Variants in GRM8 observed in about 807,000 individuals in gnomAD.
GRM8 encodes the protein metabotropic glutamate receptor 8.
GRM8 carries 47 observed loss-of-function variants against 87.2 expected under a neutral mutation model. The ratio of observed to expected loss-of-function variants is 0.54; its 90% CI spans 0.43 to 0.69. The LOEUF is 0.69. GRM8 is among the 30% of genes least tolerant of loss of function. GRM8 has a pLI of 0.00. For missense variants in GRM8, 1,019 were observed against 1,139.2 expected, an observed-to-expected ratio of 0.89 and a Z score of 1.52; for synonymous variants, 396 against 404.5, an observed-to-expected ratio of 0.98 and a Z score of 0.25.
chr7:127,127,580 C>T (rs1487781952), intron 2 of GRM8, among the ~76,000 whole-genome samples: 2 of 151,960 alleles, frequency 1.3e-5, no homozygotes, highest in African/African-American at 4.8e-5. Context: ...CCAGAAAACA[C>T]AAATCTAACC....
At chr7:126,749,946 T>A (rs1816221619) in intron 7 of GRM8, among the ~76,000 whole-genome samples, 1 of 152,188 alleles carries the variant, frequency 6.6e-6, no homozygotes, top group Non-Finnish European at 1.5e-5. Context: ...CTCGTACAGT[T>A]AAATGTCTTC....
At chr7:127,052,713 C>T (rs1213289584) in intron 3 of GRM8, among the ~76,000 whole-genome samples, 1 of 152,188 alleles carries the variant, frequency 6.6e-6, no homozygotes, top group African/African-American at 2.4e-5. Context: ...TTATCGCTCA[C>T]CCCAACATTA....
intron 7 of GRM8, among the ~76,000 whole-genome samples, chr7:126,717,184 C>T (rs573344887): frequency 1.4e-4 from 22 of 152,196 alleles, no homozygotes; most frequent in African/African-American, 5.3e-4. Context: ...ATGGTATAGT[C>T]ACTGAAATCT....
chr7:127,196,357 A>G (rs538067897), intron 2 of GRM8, among the ~76,000 whole-genome samples: 57 of 152,186 alleles, frequency 3.7e-4, no homozygotes, highest in African/African-American at 1.3e-3. Context: ...CATCTCTACT[A>G]AAAATATAAA....
intron 3 of GRM8, among the ~76,000 whole-genome samples, chr7:126,972,836 C>T (rs1295373311): frequency 6.6e-6 from 1 of 152,180 alleles, no homozygotes; most frequent in African/African-American, 2.4e-5. Context: ...TTTGACTATG[C>T]TCATTATGCA....
chr7:126,963,696 C>T (rs1189158550), intron 3 of GRM8, among the ~76,000 whole-genome samples: 2 of 152,190 alleles, frequency 1.3e-5, no homozygotes, highest in African/African-American at 4.8e-5. Context: ...ACATTCCATG[C>T]TCATGGATAG....
chr7:127,069,354 G>C (rs141714224), intron 3 of GRM8, among the ~76,000 whole-genome samples: 1,679 of 152,176 alleles, frequency 0.011, 27 homozygotes, highest in African/African-American at 0.037. Context: ...AGTAGAGATG[G>C]AGTTTTGCCA....
chr7:126,782,273 T>C (rs965333430), intron 6 of GRM8, among the ~76,000 whole-genome samples: 5 of 152,318 alleles, frequency 3.3e-5, no homozygotes, highest in African/African-American at 4.8e-5. Context: ...CCAATTCTAG[T>C]ATTCCACAAA....
At chr7:126,662,378 G>T (rs1805276260) in intron 7 of GRM8, among the ~76,000 whole-genome samples, 1 of 152,112 alleles carries the variant, frequency 6.6e-6, no homozygotes, top group South Asian at 2.1e-4. Context: ...TTAATCAGAT[G>T]AATAGAAGCC....
chr7:126,993,491 A>G (rs1392669251), intron 3 of GRM8, among the ~76,000 whole-genome samples: 1 of 152,240 alleles, frequency 6.6e-6, no homozygotes, highest in Non-Finnish European at 1.5e-5. Flanking sequence ...ACAACTGACT[A>G]CACACAATAA....
At chr7:126,948,145 A>T (rs1437041699) in intron 3 of GRM8, among the ~76,000 whole-genome samples, 1 of 152,176 alleles carries the variant, frequency 6.6e-6, no homozygotes, top group Non-Finnish European at 1.5e-5. Context: ...GCTCGGTGGA[A>T]GTAAAAAATA....
intron 3 of GRM8, among the ~76,000 whole-genome samples, chr7:126,964,068 G>T (rs930777488): frequency 2.0e-5 from 3 of 152,092 alleles, no homozygotes; most frequent in Admixed American, 1.3e-4. Context: ...AATGGGGAAA[G>T]AATTCCCTAT....
chr7:126,696,818 G>C (rs913970100), intron 7 of GRM8, among the ~76,000 whole-genome samples: 1 of 151,984 alleles, frequency 6.6e-6, no homozygotes, highest in Non-Finnish European at 1.5e-5. Context: ...CAAAACTGGG[G>C]GGCTTCCACC....
intron 6 of GRM8, among the ~76,000 whole-genome samples, chr7:126,888,073 G>A (rs1800669545): frequency 6.6e-6 from 1 of 152,036 alleles, no homozygotes; most frequent in African/African-American, 2.4e-5. Flanking sequence ...CTGCTACTTT[G>A]GATCAGCTAT....
intron 9 of GRM8, among the ~76,000 whole-genome samples, chr7:126,531,925 T>C (rs1814885242): frequency 6.6e-6 from 1 of 152,208 alleles, no homozygotes; most frequent in African/African-American, 2.4e-5. Flanking sequence ...TTCTCACAAT[T>C]TCTGGTGTCA....
At chr7:126,652,544 C>G (rs1204043273) in intron 7 of GRM8, among the ~76,000 whole-genome samples, 1 of 152,106 alleles carries the variant, frequency 6.6e-6, no homozygotes, top group Admixed American at 6.6e-5. Context: ...CTGGTGGGCA[C>G]CATCTAATCA....
At chr7:126,501,320 A>AT (rs1809611507) in intron 9 of GRM8, among the ~76,000 whole-genome samples, 1 of 151,972 alleles carries the variant, frequency 6.6e-6, no homozygotes, top group Non-Finnish European at 1.5e-5. Context: ...TTTTCAGTTG[A>AT]TTTTTTCAAC....
chr7:126,806,935 G>A (rs567205125), intron 6 of GRM8, among the ~76,000 whole-genome samples: 7 of 152,308 alleles, frequency 4.6e-5, no homozygotes, highest in East Asian at 1.9e-4. Context: ...GCCAGCCCCA[G>A]AGAGGGGCCC....
intron 9 of GRM8, among the ~76,000 whole-genome samples, chr7:126,515,931 T>G (rs13241915): frequency 0.41 from 62,802 of 151,882 alleles, 13,078 homozygotes; most frequent in Middle Eastern, 0.45. Context: ...GCCCTTATTC[T>G]GCTTAACACA....
Sources: allele counts gnomAD v4.1 joint callset (sites outside exome capture counted in the v4.1 genomes callset), GRCh38; gene constraint gnomAD v4.1.1; transcripts MANE v1.5; gene names NCBI Gene and HGNC (gene_info 2026-07-23, HGNC 2026-07-21).